WWC2: variants seen among roughly 807,000 people sequenced by gnomAD.
WWC2 encodes the protein protein WWC2.
In WWC2, 101 loss-of-function variants were observed where a neutral mutation model predicts 138.5. The ratio of observed to expected loss-of-function variants is 0.73; its 90% CI spans 0.62 to 0.86. The LOEUF is 0.86. Ranked by LOEUF, WWC2 falls within the 40% of genes least tolerant of loss-of-function variation. WWC2 has a pLI of 0.00. For synonymous variants in WWC2, 558 were observed against 538.4 expected (o/e 1.04, Z -0.50); for missense variants, 1,420 against 1,419.4 (o/e 1.00, Z -0.01).
chr4:183,248,362 A>G (rs1220317379), intron 6 of WWC2, among the ~76,000 whole-genome samples: 15 of 152,214 alleles, frequency 9.9e-5, no homozygotes, highest in Admixed American at 9.8e-4. Flanking sequence ...TGTTTCCACA[A>G]TTTCAGCTGC....
intron 20 of WWC2, 141 bp from the exon 21 acceptor site, chr4:183,289,252 G>C (rs147778058): frequency 2.3e-5 from 30 of 1,285,524 alleles, no homozygotes; most frequent in Middle Eastern, 5.1e-4. Context: ...CCATGGGCCA[G>C]AGCGAGTTGC....
In WWC2 at chr4:183,261,537, A is replaced by G. The variant is rs1322845602; in HGVS notation, c.1909+5A>G. ...CATTATATGAAGGAACTGCAGGTAA[A>G]TGCAGCCCTTTGCTTTCATGTATTC... On this transcript the variant is annotated splice_donor_5th_base_variant and intron_variant, in intron 11 of 22. Transcript: ENST00000403733. 1 of 1,607,212 alleles carries G rather than the reference A, an allele frequency of 6.2e-7. No homozygotes were observed. Among genetic ancestry groups the G allele is most frequent in the East Asian group, 2.2e-5 (1 of 44,822 alleles).
intron 5 of WWC2, among the ~76,000 whole-genome samples, chr4:183,244,350 G>A (rs998712534): frequency 6.6e-6 from 1 of 152,076 alleles, no homozygotes; most frequent in Non-Finnish European, 1.5e-5. Flanking sequence ...AAAGAATTAG[G>A]TTACGTGAAA....
At chr4:183,158,919 A>G (rs753298990) in intron 1 of WWC2, among the ~76,000 whole-genome samples, 6 of 152,160 alleles carry the variant, frequency 3.9e-5, no homozygotes, top group Non-Finnish European at 5.9e-5. Context: ...TTAGCACCAG[A>G]TGAATGGGTG....
chr4:183,150,942 T>G (rs1388248091), intron 1 of WWC2, among the ~76,000 whole-genome samples: 2 of 152,222 alleles, frequency 1.3e-5, no homozygotes, highest in Admixed American at 1.3e-4. Flanking sequence ...CTATCATTGA[T>G]GGACATTTGG....
In WWC2 at chr4:183,268,964, T is replaced by C. The variant is rs1580130370; in HGVS notation, c.2208-7T>C. The C allele has an allele frequency of 6.2e-7, 1 of 1,607,504 alleles. No homozygotes were observed. Among genetic ancestry groups the C allele is most frequent in the South Asian group, 1.1e-5 (1 of 89,634 alleles). On this transcript the variant is annotated splice_region_variant and splice_polypyrimidine_tract_variant and intron_variant, in intron 14 of 22. Transcript: ENST00000403733. ...TATGAAATCCATTTTATTCTTGTTC[T>C]TTGCAGATATTTTAGGGTTGCCGTT...
intron 4 of WWC2, among the ~76,000 whole-genome samples, chr4:183,213,274 G>A (rs1735660751): frequency 6.6e-6 from 1 of 152,224 alleles, no homozygotes; most frequent in South Asian, 2.1e-4. Flanking sequence ...AGAAGTGGAT[G>A]GGTAACTTGG....
At position 183,268,973 on chromosome 4, in the gene WWC2, A is replaced by G; in HGVS notation, c.2210A>G (p.Tyr737Cys). 7 of 1,610,806 alleles carry G rather than the reference A, an allele frequency of 4.3e-6. No homozygotes were observed. The highest frequency in any genetic ancestry group is 5.1e-6 in the Non-Finnish European group (6 of 1,178,920). Residue 737 changes from tyrosine (Y) to cysteine (C), a missense_variant and splice_region_variant, in exon 15 of 23, where the codon TAT (tyrosine) becomes TGT (cysteine). Physicochemically the swap from Tyr to Cys is radical, Grantham distance 194. Coordinates refer to ENST00000403733, the MANE Select transcript of WWC2 (RefSeq NM_024949.6). ...CATTTTATTCTTGTTCTTTGCAGAT[A>G]TTTTAGGGTTGCCGTTCTTCCTTCC... ...AFLIPHTSKV[Y>C]FRVAVLPSST...
intron 1 of WWC2, among the ~76,000 whole-genome samples, chr4:183,173,852 C>T (rs1734369229): frequency 6.6e-6 from 1 of 152,110 alleles, no homozygotes; most frequent in Non-Finnish European, 1.5e-5. Flanking sequence ...TCTAGCCTGT[C>T]CTACTGAGAC....
At chr4:183,129,362 C>G (rs1479655298) in intron 1 of WWC2, among the ~76,000 whole-genome samples, 2 of 152,142 alleles carry the variant, frequency 1.3e-5, no homozygotes. Context: ...TCATCACTAT[C>G]TATACTTATC....
intron 1 of WWC2, among the ~76,000 whole-genome samples, chr4:183,102,811 T>C (rs1006561952): frequency 2.6e-5 from 4 of 152,064 alleles, no homozygotes; most frequent in African/African-American, 9.7e-5. Flanking sequence ...TGGACCCTTT[T>C]GAACATACCA....
chr4:183,303,947 G>A (rs1738946103), intron 21 of WWC2, among the ~76,000 whole-genome samples: 3 of 151,676 alleles, frequency 2.0e-5, no homozygotes, highest in South Asian at 4.2e-4. Context: ...AGTGAACATC[G>A]CAGCCTAGAA....
intron 1 of WWC2, among the ~76,000 whole-genome samples, chr4:183,128,651 A>G (rs1434662204): frequency 6.6e-6 from 1 of 152,084 alleles, no homozygotes; most frequent in Admixed American, 6.5e-5. Context: ...TCAGAATTCT[A>G]GGTAGGTAGG....
intron 1 of WWC2, among the ~76,000 whole-genome samples, chr4:183,129,907 G>C (rs1432485833): frequency 1.3e-5 from 2 of 152,146 alleles, no homozygotes; most frequent in Admixed American, 6.5e-5. Flanking sequence ...TTACAGCACA[G>C]CTCCCTCTTT....
intron 1 of WWC2, among the ~76,000 whole-genome samples, chr4:183,155,191 A>AGG (rs1733765469): frequency 1.1e-4 from 3 of 27,598 alleles, no homozygotes; most frequent in South Asian, 6.5e-3. Flanking sequence ...TCTTCTGAGG[A>AGG]GAGAGAGAGA....
chr4:183,187,642 G>A (rs1409079053), intron 1 of WWC2, among the ~76,000 whole-genome samples: 1 of 151,108 alleles, frequency 6.6e-6, no homozygotes, highest in Non-Finnish European at 1.5e-5. Flanking sequence ...AGGCCAAGGT[G>A]GGTAGATCAC....
chr4:183,244,584 T>G (rs10020697), intron 5 of WWC2, among the ~76,000 whole-genome samples: 130,027 of 148,336 alleles, frequency 0.88, 57,922 homozygotes, highest in Non-Finnish European at 0.96. Flanking sequence ...TATATATATA[T>G]AGAGAGAGAG....
chr4:183,123,402 G>GCTGTGT (rs150641658), intron 1 of WWC2, among the ~76,000 whole-genome samples: 1 of 147,604 alleles, frequency 6.8e-6, no homozygotes, highest in Non-Finnish European at 1.5e-5. Flanking sequence ...GCAAGTTTCA[G>GCTGTGT]GTGTGTGTGT....
intron 1 of WWC2, among the ~76,000 whole-genome samples, chr4:183,132,106 A>G (rs1200848201): frequency 6.6e-6 from 1 of 152,188 alleles, no homozygotes; most frequent in Admixed American, 6.5e-5. Flanking sequence ...TAATATTGAT[A>G]ACAAATCTTG....
Sources: allele counts gnomAD v4.1 joint callset (sites outside exome capture counted in the v4.1 genomes callset), GRCh38; gene constraint gnomAD v4.1.1; transcripts MANE v1.5; gene names NCBI Gene and HGNC (gene_info 2026-07-23, HGNC 2026-07-21).